Variants in ZFP64 observed in about 807,000 individuals in gnomAD.
ZFP64 encodes the protein zinc finger protein 64.
In ZFP64, 14 loss-of-function variants were observed where a neutral mutation model predicts 51.6. The ratio of observed to expected loss-of-function variants is 0.27; its 90% CI spans 0.18 to 0.42. The LOEUF is 0.42. Ranked by LOEUF, ZFP64 falls within the 10% of genes least tolerant of loss-of-function variation. ZFP64 has a pLI of 1.00. For synonymous variants in ZFP64, 375 were observed against 361.4 expected (o/e 1.04, Z -0.43); for missense variants, 754 against 906.8 (o/e 0.83, Z 2.16).
chr20:52,097,471 T>C (rs139591812), intron 6 of ZFP64: 10 of 1,186,048 alleles, frequency 8.4e-6, no homozygotes, highest in African/African-American at 1.9e-5. Flanking sequence ...TTTTTTTTTT[T>C]GGAGACAGAG....
At chr20:52,168,048 T>C (rs973463624) in intron 2 of ZFP64, among the ~76,000 whole-genome samples, 1 of 152,220 alleles carries the variant, frequency 6.6e-6, no homozygotes, top group Non-Finnish European at 1.5e-5. Flanking sequence ...ATTTATCGAA[T>C]GGGCTTTTCC....
intron 5 of ZFP64, among the ~76,000 whole-genome samples, chr20:52,136,194 C>G (rs1302330819): frequency 6.6e-6 from 1 of 151,498 alleles, no homozygotes; most frequent in Non-Finnish European, 1.5e-5. Flanking sequence ...ATTCTCAGAT[C>G]CTTAACTTCT....
chr20:52,169,084 T>C (rs1005454579), intron 2 of ZFP64, among the ~76,000 whole-genome samples: 1 of 152,348 alleles, frequency 6.6e-6, no homozygotes, highest in East Asian at 1.9e-4. Flanking sequence ...AGGCCAGTTA[T>C]GTAACTTCAT....
intron 5 of ZFP64, among the ~76,000 whole-genome samples, chr20:52,134,040 A>C (rs201834535): frequency 6.8e-6 from 1 of 147,832 alleles, no homozygotes; most frequent in South Asian, 2.1e-4. Context: ...AAAAAAAAAA[A>C]AAAAAAAAAA....
chr20:52,185,870 CGT>C (rs1408350954), intron 2 of ZFP64, among the ~76,000 whole-genome samples: 6 of 152,254 alleles, frequency 3.9e-5, no homozygotes, highest in Admixed American at 3.3e-4. Flanking sequence ...CATGAGCCAC[CGT>C]GTCCAGGCTC....
intron 5 of ZFP64, among the ~76,000 whole-genome samples, chr20:52,107,760 C>T (rs1568950915): frequency 1.3e-5 from 2 of 152,242 alleles, no homozygotes; most frequent in Non-Finnish European, 2.9e-5. Context: ...TTCACCTACT[C>T]TCCTGTTGAT....
At chr20:52,150,173 C>A (rs1417552308), downstream of ZFP64, among the ~76,000 whole-genome samples, 1 of 146,264 alleles carries the variant, frequency 6.8e-6, no homozygotes, top group African/African-American at 2.6e-5. Flanking sequence ...CCACTGCACT[C>A]CAGCCTGGGC....
intron 5 of ZFP64, among the ~76,000 whole-genome samples, chr20:52,124,410 A>G (rs1488321284): frequency 1.3e-5 from 2 of 152,116 alleles, no homozygotes; most frequent in East Asian, 3.9e-4. Context: ...TCACATTGAA[A>G]TCTTTGAATT....
At chr20:52,110,529 G>A (rs752896459) in intron 5 of ZFP64, 6 of 723,070 alleles carry the variant, frequency 8.3e-6, no homozygotes, top group Middle Eastern at 4.8e-4. Flanking sequence ...GGTATTGCTC[G>A]GCCCAGTTCT....
chr20:52,175,895 G>A, intron 2 of ZFP64: 9 of 923,542 alleles, frequency 9.7e-6, no homozygotes, highest in African/African-American at 9.1e-5. Context: ...CATTTTCTGA[G>A]AGAAAAGAGA....
chr20:52,158,104 A>G lies in ZFP64; in HGVS notation c.763+2019T>C, dbSNP rs372506720. 1.3e-4 allele frequency among the ~76,000 whole-genome samples: 20 copies of G among 152,298 alleles called. No individual in the cohort carries two copies. The East Asian group carries it at 1.3e-3, about 10-fold the overall frequency. ...TTTGGGTTGGTTCCAAGTCTTTGCT[A>G]TTGTGAATACTGCTGCAATAAACAT... On this transcript the variant is annotated intron_variant, in intron 5 of 5. Transcript: ENST00000216923.
At chr20:52,169,871 T>C (rs961770717) in intron 2 of ZFP64, among the ~76,000 whole-genome samples, 34 of 151,744 alleles carry the variant, frequency 2.2e-4, no homozygotes, top group Non-Finnish European at 3.4e-4. Context: ...CTGACTAACA[T>C]GAAGAAACCC....
chr20:52,135,847 C>G lies in ZFP64; in HGVS notation c.763+24276G>C, dbSNP rs372364579. Among the ~76,000 whole-genome samples, 6 of 151,824 alleles carry G rather than the reference C, an allele frequency of 4.0e-5. No homozygotes were observed. The East Asian group carries it at 9.9e-4, about 25-fold the overall frequency. ...GGTTCGGTGGCTCACGCCTGTAATG[C>G]CAGCACTTTGGGAGGCCGAGGTGGG... On this transcript the variant is annotated intron_variant, in intron 5 of 8. Transcript: ENST00000361387.
chr20:52,138,492 A>T (rs955831219), intron 5 of ZFP64, among the ~76,000 whole-genome samples: 4 of 152,126 alleles, frequency 2.6e-5, no homozygotes, highest in African/African-American at 9.7e-5. Flanking sequence ...AAAAATACAA[A>T]ATAAGACTTA....
intron 7 of ZFP64, among the ~76,000 whole-genome samples, chr20:52,093,101 T>G (rs1175716918): frequency 1.3e-5 from 2 of 152,050 alleles, no homozygotes; most frequent in Non-Finnish European, 2.9e-5. Context: ...TTGTTTCTCT[T>G]GCTCAAGATA....
intron 5 of ZFP64, among the ~76,000 whole-genome samples, chr20:52,127,452 T>TGATAGTGAGTTCTCAC (rs1256862518): frequency 1.3e-5 from 2 of 152,288 alleles, no homozygotes; most frequent in Admixed American, 1.3e-4. Flanking sequence ...GCTGTTCTCA[T>TGATAGTGAGTTCTCAC]GATAGTGAGT....
chr20:52,104,741 G>A (rs1364499406), intron 5 of ZFP64: 3 of 510,246 alleles, frequency 5.9e-6, no homozygotes, highest in Admixed American at 2.2e-5. Flanking sequence ...CATTTGAAAC[G>A]TAACCCCAAG....
At chr20:52,097,107 C>T (rs1357073632) in intron 7 of ZFP64, 3 of 683,808 alleles carry the variant, frequency 4.4e-6, no homozygotes, top group African/African-American at 3.4e-5. Context: ...CAGCAGCTGG[C>T]TGCCCTAAAA....
chr20:52,187,244 G>GC (rs1181633837), intron 1 of ZFP64, among the ~76,000 whole-genome samples, 173 bp from the exon 2 acceptor site: 2 of 152,186 alleles, frequency 1.3e-5, no homozygotes, highest in East Asian at 3.8e-4. Flanking sequence ...TGCCCTAGCA[G>GC]CAAGGTATCA....
Sources: allele counts gnomAD v4.1 joint callset (sites outside exome capture counted in the v4.1 genomes callset), GRCh38; gene constraint gnomAD v4.1.1; transcripts MANE v1.5; gene names NCBI Gene and HGNC (gene_info 2026-07-23, HGNC 2026-07-21).